Variants in USP49 observed in about 807,000 individuals in gnomAD.
USP49 encodes the protein ubiquitin specific peptidase 49, also known as ubiquitin carboxyl-terminal hydrolase 49.
In USP49, 24 loss-of-function variants were observed where a neutral mutation model predicts 58.6. The ratio of observed to expected loss-of-function variants is 0.41; its 90% CI spans 0.30 to 0.58. The LOEUF (loss-of-function observed/expected upper bound fraction) is 0.58. Ranked by LOEUF, USP49 falls within the 20% of genes least tolerant of loss-of-function variation. The pLI, the probability that USP49 is intolerant of heterozygous loss-of-function variation, is 0.30. For missense variants in USP49, 703 were observed against 866.1 expected (o/e 0.81, Z 2.36); for synonymous variants, 408 against 365.1 (o/e 1.12, Z -1.34).
At chr6:41,836,880 C>T (rs181862845) in intron 3 of USP49, among the ~76,000 whole-genome samples, 17 of 151,346 alleles carry the variant, frequency 1.1e-4, no homozygotes, top group Admixed American at 8.6e-4. Flanking sequence ...CACACACAAA[C>T]AAAATACCTA....
At chr6:41,880,185 AAACT>A (rs1248406408) in intron 2 of USP49, among the ~76,000 whole-genome samples, 16 of 152,260 alleles carry the variant, frequency 1.1e-4, no homozygotes, top group African/African-American at 3.6e-4. Context: ...CATAAATATA[AAACT>A]AATTAGAAAG....
At chr6:41,877,619 G>A (rs1171188749) in intron 2 of USP49, among the ~76,000 whole-genome samples, 2 of 149,438 alleles carry the variant, frequency 1.3e-5, no homozygotes, top group Non-Finnish European at 3.0e-5. Context: ...CTAGAGGGTA[G>A]TGGCATGATC....
chr6:41,831,424 C>T (rs145663188), intron 3 of USP49, among the ~76,000 whole-genome samples: 107 of 148,214 alleles, frequency 7.2e-4, no homozygotes, highest in African/African-American at 2.5e-3. Flanking sequence ...AATAAAAATA[C>T]AAAAAATTAG....
At chr6:41,849,887 G>A (rs1356550881) in intron 3 of USP49, among the ~76,000 whole-genome samples, 1 of 152,134 alleles carries the variant, frequency 6.6e-6, no homozygotes, top group East Asian at 1.9e-4. Flanking sequence ...TTACAGGCAT[G>A]AGCCACTGTG....
At chr6:41,821,100 A>C (rs1198708737) in intron 3 of USP49, among the ~76,000 whole-genome samples, 2 of 152,224 alleles carry the variant, frequency 1.3e-5, no homozygotes, top group Non-Finnish European at 2.9e-5. Context: ...GATACAAGCT[A>C]TTCACAAATT....
At chr6:41,885,252 C>T (rs530948921) in intron 2 of USP49, among the ~76,000 whole-genome samples, 55 of 152,276 alleles carry the variant, frequency 3.6e-4, no homozygotes, top group Admixed American at 2.2e-3. Context: ...AACTGATTAA[C>T]GCATTCAGTG....
chr6:41,851,055 T>C (rs1774019035), intron 3 of USP49, among the ~76,000 whole-genome samples: 1 of 152,172 alleles, frequency 6.6e-6, no homozygotes, highest in Non-Finnish European at 1.5e-5. Flanking sequence ...TAGAGAATTC[T>C]ACCAAACATT....
chr6:41,847,937 G>C (rs1431564996), intron 3 of USP49, among the ~76,000 whole-genome samples: 2 of 152,088 alleles, frequency 1.3e-5, no homozygotes, highest in African/African-American at 2.4e-5. Context: ...AACCTCAAAG[G>C]ACTTCAACAA....
At chr6:41,883,905 T>G (rs1390761918) in intron 2 of USP49, among the ~76,000 whole-genome samples, 1 of 152,230 alleles carries the variant, frequency 6.6e-6, no homozygotes, top group Non-Finnish European at 1.5e-5. Flanking sequence ...GCAAGACTGT[T>G]ACTGGTATCA....
At position 41,803,148 on chromosome 6, in the gene USP49, A is replaced by G. The variant is rs1773049797; in HGVS notation, c.1561+658T>C. Among the ~76,000 whole-genome samples, 1 of 152,248 alleles carries G rather than the reference A, an allele frequency of 6.6e-6. No individual in the cohort carries two copies. The highest frequency in any genetic ancestry group is 2.1e-4 in the South Asian group (1 of 4,834). ...GTAAGAACTGTCAGACTCTACATTCATGAATTTAAGCAGCAGCCCCACAGC... is the reference window on the plus strand; with the variant it reads ...GTAAGAACTGTCAGACTCTACATTCGTGAATTTAAGCAGCAGCCCCACAGC... On this transcript the variant is annotated intron_variant, in intron 5 of 7. Coordinates refer to ENST00000682992, the MANE Select transcript of USP49 (RefSeq NM_001286554.2). This position sits in a 1 kb window ranked among gnomAD's most constrained non-coding sequence, Gnocchi z 4.1.
intron 2 of USP49, among the ~76,000 whole-genome samples, chr6:41,882,586 G>A (rs574713129): frequency 6.6e-6 from 1 of 151,918 alleles, no homozygotes; most frequent in South Asian, 2.1e-4. Flanking sequence ...AAAAATGATG[G>A]ATGTGACTAC....
At chr6:41,858,424 C>T (rs138622016) in intron 3 of USP49, among the ~76,000 whole-genome samples, 3 of 152,282 alleles carry the variant, frequency 2.0e-5, no homozygotes, top group African/African-American at 7.2e-5. Context: ...TTCACCACTT[C>T]CCATATCCCA....
intron 3 of USP49, among the ~76,000 whole-genome samples, chr6:41,824,360 T>C (rs939203295): frequency 5.9e-5 from 9 of 151,978 alleles, no homozygotes; most frequent in Non-Finnish European, 1.5e-5. Context: ...TGAAAAATTG[T>C]TTAATAGCAA....
At position 41,816,637 on chromosome 6, in the gene USP49, T is replaced by C. The variant is rs184691655; in HGVS notation, c.-28-9626A>G. The stretch of plus-strand genomic sequence containing the variant: ...AAAATTATTGGTAGTTTACATGCCA[T>C]AAAATTCACTCATGTAAAGTAAAAA... On this transcript the variant is annotated intron_variant, in intron 3 of 7. Transcript: ENST00000682992. 2.0e-4 allele frequency among the ~76,000 whole-genome samples: 30 copies of C among 152,298 alleles called. 1 individual carries two copies. The highest frequency in any genetic ancestry group is 3.4e-3 in the Middle Eastern group (1 of 294).
chr6:41,869,891 A>G (rs1774384778), intron 3 of USP49, among the ~76,000 whole-genome samples: 1 of 152,232 alleles, frequency 6.6e-6, no homozygotes, highest in African/African-American at 2.4e-5. Context: ...TTGTTTATTC[A>G]TATATAACTA....
intron 2 of USP49, among the ~76,000 whole-genome samples, chr6:41,872,368 C>T (rs1233716004): frequency 2.0e-5 from 3 of 152,224 alleles, no homozygotes; most frequent in Non-Finnish European, 2.9e-5. Context: ...TGTTCCCGGC[C>T]GGGCGTCCGC....
chr6:41,812,751 T>A lies in USP49; in HGVS notation c.-28-5740A>T, dbSNP rs917449943. On this transcript the variant is annotated intron_variant, in intron 3 of 7. Transcript: ENST00000682992. ...TTGTATAGGGATAAAAGACTCTTCA[T>A]AGAAATCAAAGAAAGAATTTTATTT... Among the ~76,000 whole-genome samples, 11 of 152,184 alleles carry A rather than the reference T, an allele frequency of 7.2e-5. 1 individual carries two copies. The highest frequency in any genetic ancestry group is 2.0e-4 in the Admixed American group (3 of 15,284).
intron 5 of USP49, 132 bp from the exon 6 acceptor site, chr6:41,800,070 G>A (rs975263797): frequency 1.5e-5 from 11 of 711,118 alleles, no homozygotes; most frequent in Admixed American, 9.1e-5. Context: ...TTTGGGGGGC[G>A]CAATGTGACA....
chr6:41,889,530 G>A (rs1200818829), intron 2 of USP49, among the ~76,000 whole-genome samples: 1 of 152,128 alleles, frequency 6.6e-6, no homozygotes, highest in African/African-American at 2.4e-5. Context: ...CCATGCATGA[G>A]CACACCATGC....
Sources: gnomAD v4.1 joint callset for allele counts (sites outside exome capture counted in the v4.1 genomes callset) on GRCh38, gnomAD v4.1.1 for gene constraint, Gnocchi (gnomAD v3.1) non-coding constraint, MANE v1.5 for transcripts, NCBI Gene and HGNC (gene_info 2026-07-23, HGNC 2026-07-21) for gene names.